Variants in GPC6 observed in about 807,000 individuals in gnomAD.
The protein encoded by GPC6 is glypican-6.
A neutral mutation model predicts 55.2 loss-of-function variants in GPC6; 14 were observed. That is an observed-to-expected ratio of 0.25 (90% CI 0.17 to 0.40). The LOEUF (loss-of-function observed/expected upper bound fraction) is 0.40. GPC6 is among the 10% of genes least tolerant of loss of function. The pLI is 1.00. For synonymous variants in GPC6, 278 were observed against 259.6 expected (o/e 1.07, Z -0.68); for missense variants, 641 against 708.5 (o/e 0.90, Z 1.08).
intron 4 of GPC6, among the ~76,000 whole-genome samples, chr13:94,271,366 A>ACACGCGCG (rs1491208962): frequency 2.3e-5 from 3 of 131,224 alleles, no homozygotes; most frequent in Admixed American, 7.2e-5. Flanking sequence ...ACACACACAC[A>ACACGCGCG]CGCGCGCGCG....
At chr13:93,914,868 C>G (rs922381453) in intron 3 of GPC6, among the ~76,000 whole-genome samples, 2 of 152,216 alleles carry the variant, frequency 1.3e-5, no homozygotes, top group Admixed American at 6.5e-5. Flanking sequence ...TCACCCTATA[C>G]TGAAGCAATG....
intron 3 of GPC6, among the ~76,000 whole-genome samples, chr13:93,975,402 G>A (rs1407556979): frequency 6.6e-6 from 1 of 152,104 alleles, no homozygotes; most frequent in Non-Finnish European, 1.5e-5. Context: ...TGGTGAGTGA[G>A]TGCTGGGAGC....
chr13:93,307,050 C>A (rs1878883830), intron 1 of GPC6, among the ~76,000 whole-genome samples: 1 of 151,856 alleles, frequency 6.6e-6, no homozygotes, highest in African/African-American at 2.4e-5. Context: ...TTTTTTATTT[C>A]TTTTCTGTTT....
chr13:93,241,249 T>C (rs1876417810), intron 1 of GPC6, among the ~76,000 whole-genome samples: 1 of 152,212 alleles, frequency 6.6e-6, no homozygotes, highest in South Asian at 2.1e-4. Context: ...TTTTTACTTT[T>C]TCTTCTTCTC....
At chr13:94,246,141 A>G (rs1891189939) in intron 4 of GPC6, among the ~76,000 whole-genome samples, 1 of 151,972 alleles carries the variant, frequency 6.6e-6, no homozygotes, top group Non-Finnish European at 1.5e-5. Flanking sequence ...TATGTGCCTG[A>G]TGGCCATTTT....
At position 94,002,559 on chromosome 13, in the gene GPC6, T is replaced by C. The variant is rs906136103; in HGVS notation, c.712-25170T>C. Among the ~76,000 whole-genome samples, 7 of 152,108 alleles carry C rather than the reference T, an allele frequency of 4.6e-5. No individual in the cohort carries two copies. The South Asian group carries it at 6.2e-4, about 14-fold the overall frequency. ...CCTTATTACACATGAATTATCAATA[T>C]AGTAGAGAGACACACTTAAAGTAGG... On this transcript the variant is annotated intron_variant, in intron 3 of 8. Transcript: ENST00000377047.
rs183538500 is a variant in GPC6, at chr13:93,438,235, G to A, written c.161-107028G>A. On this transcript the variant is annotated intron_variant, in intron 1 of 8. Transcript: ENST00000377047. ...ATGTTGTTTTCATTCCTGCTAACAC[G>A]ATACCCATTCTGCAGCCCATAGATC... Among the ~76,000 whole-genome samples the A allele has an allele frequency of 1.8e-4, 28 of 152,254 alleles. 3 individuals carry two copies. In the East Asian group the frequency reaches 5.2e-3, roughly 28 times the overall value.
chr13:93,610,124 A>G (rs756342492), intron 2 of GPC6, among the ~76,000 whole-genome samples: 10 of 152,170 alleles, frequency 6.6e-5, no homozygotes, highest in Non-Finnish European at 1.5e-5. Context: ...ATGAGATACA[A>G]TATCTTCCCT....
At chr13:93,532,415 A>C (rs1881902216) in intron 1 of GPC6, among the ~76,000 whole-genome samples, 1 of 152,136 alleles carries the variant, frequency 6.6e-6, no homozygotes, top group South Asian at 2.1e-4. Context: ...AATGTCTAAA[A>C]ATTTTATCGG....
chr13:93,889,978 A>G (rs1187557024), intron 3 of GPC6, among the ~76,000 whole-genome samples: 10 of 152,152 alleles, frequency 6.6e-5, no homozygotes, highest in Non-Finnish European at 1.2e-4. Flanking sequence ...AATCAAAAAA[A>G]AATTCTACGC....
At position 94,057,991 on chromosome 13, in the gene GPC6, C is replaced by T. The variant is rs184041307; in HGVS notation, c.877+30097C>T. Among the ~76,000 whole-genome samples the T allele has an allele frequency of 3.1e-3, 467 of 152,246 alleles. 2 individuals are homozygous for T. The highest frequency in any genetic ancestry group is 4.9e-3 in the Non-Finnish European group (332 of 68,030). ...GAGATTCTGGTCATTACCCCAAAAC[C>T]CTGTAAGGGAAGTTTAATTTATATC... On this transcript the variant is annotated intron_variant, in intron 4 of 8. Transcript: ENST00000377047.
At chr13:94,059,807 G>A (rs1396481944) in intron 4 of GPC6, among the ~76,000 whole-genome samples, 1 of 151,712 alleles carries the variant, frequency 6.6e-6, no homozygotes, top group East Asian at 2.0e-4. Flanking sequence ...TCCCATTCAT[G>A]AGGGCTCCTC....
intron 6 of GPC6, among the ~76,000 whole-genome samples, chr13:94,361,378 G>T (rs545729716): frequency 1.3e-5 from 2 of 152,284 alleles, no homozygotes; most frequent in South Asian, 4.1e-4. Flanking sequence ...TTTAAACAGG[G>T]AACCCTGCAT....
chr13:93,713,712 G>GT (rs1442299143), intron 2 of GPC6, among the ~76,000 whole-genome samples: 1 of 109,784 alleles, frequency 9.1e-6, no homozygotes, highest in Non-Finnish European at 2.4e-5. Context: ...TTGCCCATTT[G>GT]TAAAAAAAAT....
chr13:93,966,946 C>T (rs1880074014), intron 3 of GPC6, among the ~76,000 whole-genome samples: 1 of 152,108 alleles, frequency 6.6e-6, no homozygotes, highest in South Asian at 2.1e-4. Flanking sequence ...TGAGCCACTG[C>T]ACCCGACATG....
chr13:93,757,974 T>A (rs184403057), intron 2 of GPC6, among the ~76,000 whole-genome samples: 12 of 152,316 alleles, frequency 7.9e-5, no homozygotes, highest in African/African-American at 2.4e-4. Flanking sequence ...AGTTGTGCTA[T>A]TCTAAATTAC....
intron 4 of GPC6, among the ~76,000 whole-genome samples, chr13:94,094,720 G>A (rs1885603864): frequency 6.6e-6 from 1 of 152,098 alleles, no homozygotes; most frequent in African/African-American, 2.4e-5. Context: ...AAGTTCATAA[G>A]ATAATCAGAG....
Position 93,962,505 on chromosome 13 carries a change from G to A in GPC6, c.712-65224G>A, listed in dbSNP as rs184577421. 5.5e-4 allele frequency among the ~76,000 whole-genome samples: 83 copies of A among 152,036 alleles called. 2 individuals are homozygous for A. Among genetic ancestry groups the A allele is most frequent in the Middle Eastern group, 6.8e-3 (2 of 292 alleles). ...CCTAACCCAGTGCCCCACATTCTAAGCAGCCTTGAAATATCTGCCGAAAGA... is the reference window on the plus strand; with the variant it reads ...CCTAACCCAGTGCCCCACATTCTAAACAGCCTTGAAATATCTGCCGAAAGA... On this transcript the variant is annotated intron_variant, in intron 3 of 8. Transcript: ENST00000377047.
intron 6 of GPC6, among the ~76,000 whole-genome samples, chr13:94,324,311 T>TG (rs1876993790): frequency 9.3e-6 from 1 of 107,256 alleles, no homozygotes; most frequent in South Asian, 3.1e-4. Context: ...ATGAAAGCCT[T>TG]AAAAAAAAAA....
Sources: allele counts gnomAD v4.1 joint callset (sites outside exome capture counted in the v4.1 genomes callset), GRCh38; gene constraint gnomAD v4.1.1; transcripts MANE v1.5; gene names NCBI Gene and HGNC (gene_info 2026-07-23, HGNC 2026-07-21).